Variants in DYRK1A observed in about 807,000 individuals in gnomAD.
DYRK1A encodes the protein dual specificity tyrosine phosphorylation regulated kinase 1A, also known as dual specificity tyrosine-phosphorylation-regulated kinase 1A.
Under a neutral mutation model 79.7 loss-of-function variants are expected in DYRK1A, and 9 were observed. The ratio of observed to expected loss-of-function variants is 0.11; its 90% confidence interval spans 0.07 to 0.20. The LOEUF (loss-of-function observed/expected upper bound fraction) is 0.20, where lower values mean the gene tolerates loss of function less well. Ranked by LOEUF, DYRK1A falls within the 10% of genes least tolerant of loss-of-function variation. DYRK1A has a pLI of 1.00. For synonymous variants in DYRK1A, 349 were observed against 329.7 expected (o/e 1.06, Z -0.63); for missense variants, 622 against 956.0 (o/e 0.65, Z 4.61).
At chr21:37,413,727 C>T (rs1359924442) in intron 1 of DYRK1A, among the ~76,000 whole-genome samples, 1 of 152,130 alleles carries the variant, frequency 6.6e-6, no homozygotes, top group Non-Finnish European at 1.5e-5. Flanking sequence ...CATTGGGCCA[C>T]CTCTTCTAAG....
intron 2 of DYRK1A, among the ~76,000 whole-genome samples, chr21:37,445,112 A>T (rs1255383204): frequency 1.3e-5 from 2 of 152,212 alleles, no homozygotes; most frequent in African/African-American, 4.8e-5. Flanking sequence ...TCCTAGGCAC[A>T]GGATGGTGCT....
chr21:37,413,478 G>T (rs2050279743), intron 1 of DYRK1A, among the ~76,000 whole-genome samples: 1 of 152,158 alleles, frequency 6.6e-6, no homozygotes, highest in African/African-American at 2.4e-5. Flanking sequence ...GCTGTCAGAA[G>T]GGAGAGAGAG....
At chr21:37,458,268 CTGTGTGTGTGTGTGTGTGTG>C (rs3138683) in intron 2 of DYRK1A, among the ~76,000 whole-genome samples, 1 of 130,484 alleles carries the variant, frequency 7.7e-6, no homozygotes, top group African/African-American at 2.9e-5. Context: ...GGGTAATTTA[CTGTGTGTGTGTGTGTGTGTG>C]TGTGTGTGTG....
At chr21:37,433,812 T>A (rs1419062490) in intron 2 of DYRK1A, among the ~76,000 whole-genome samples, 7 of 152,248 alleles carry the variant, frequency 4.6e-5, no homozygotes, top group Non-Finnish European at 1.0e-4. Context: ...GACTAAAATA[T>A]TGATTATTCA....
Position 37,384,802 on chromosome 21 carries a change from C to A in DYRK1A, c.-77+17174C>A, listed in dbSNP as rs911562839. ...AGAAACGTGGAAGGTATACAAAAGA[C>A]CCAGATCAAACTTTTAGCAGCAAAA... On this transcript the variant is annotated intron_variant, in intron 1 of 11. Transcript: ENST00000647188. Among the ~76,000 whole-genome samples the A allele has an allele frequency of 3.9e-5, 6 of 152,080 alleles. No homozygotes were observed. The South Asian group carries it at 1.2e-3, about 32-fold the overall frequency.
intron 1 of DYRK1A, among the ~76,000 whole-genome samples, chr21:37,382,519 T>G (rs894215576): frequency 4.6e-5 from 7 of 152,212 alleles, no homozygotes; most frequent in Non-Finnish European, 7.3e-5. Context: ...ACTTGTTGCT[T>G]TATTTCTGGT....
intron 2 of DYRK1A, among the ~76,000 whole-genome samples, chr21:37,449,633 A>G (rs2051381569): frequency 6.6e-6 from 1 of 152,236 alleles, no homozygotes; most frequent in Admixed American, 6.5e-5. Context: ...TTGGTTATCA[A>G]TTAGCAGTCT....
intron 2 of DYRK1A, among the ~76,000 whole-genome samples, chr21:37,468,136 A>T (rs966847545): frequency 1.3e-5 from 2 of 152,056 alleles, no homozygotes; most frequent in Non-Finnish European, 2.9e-5. Flanking sequence ...TTTAGAGGTA[A>T]GGTCTCTGTT....
In DYRK1A at chr21:37,393,132, T is replaced by C. The variant is rs775707205; in HGVS notation, c.-77+25504T>C. ...ATTCAGACCATAGTAGGGCCTTTGA[T>C]AGATTGAGCTGTTTTGGTGGGGAGC... On this transcript the variant is annotated intron_variant, in intron 1 of 11. Transcript: ENST00000647188. 1.8e-3 allele frequency among the ~76,000 whole-genome samples: 281 copies of C among 152,366 alleles called. 2 individuals carry two copies. Among genetic ancestry groups the C allele is most frequent in the Non-Finnish European group, 1.5e-3 (99 of 68,036 alleles).
At chr21:37,431,242 T>C (rs894022270) in intron 2 of DYRK1A, among the ~76,000 whole-genome samples, 3 of 152,162 alleles carry the variant, frequency 2.0e-5, no homozygotes, top group Non-Finnish European at 4.4e-5. Flanking sequence ...GCTGCTGGGG[T>C]GGCTGTTGGC....
rs78692688 is a variant in DYRK1A at position 37,450,053 on chromosome 21, A to G, written c.11-22631A>G. Among the ~76,000 whole-genome samples, 139 of 152,288 alleles carry G rather than the reference A, an allele frequency of 9.1e-4. 4 individuals carry two copies. In the East Asian group the frequency reaches 0.024, roughly 27 times the overall value. ...GGATCCCACACCTGGCACTTGTGCA[A>G]TGCATTGCTATGTGAGCCTCAACTT... On this transcript the variant is annotated intron_variant, in intron 2 of 11. Coordinates refer to ENST00000647188, the MANE Select transcript of DYRK1A (RefSeq NM_001347721.2).
intron 1 of DYRK1A, among the ~76,000 whole-genome samples, chr21:37,380,260 T>G (rs780645652): frequency 8.5e-5 from 13 of 152,214 alleles, no homozygotes; most frequent in Non-Finnish European, 1.8e-4. Flanking sequence ...CACAGTGGTG[T>G]TTTTTACTTT....
In DYRK1A at chr21:37,517,071, T is replaced by A. The variant is rs2053888427; in HGVS notation, c.*4540T>A. 1 of 152,234 alleles carries A rather than the reference T, an allele frequency of 6.6e-6. No individual in the cohort carries two copies. The highest frequency in any genetic ancestry group is 2.4e-5 in the African/African-American group (1 of 41,462). 9.4% of individuals were successfully genotyped at this position (152,234 alleles called of 1,614,324 possible). ...CCCCAGCAAAACCTGTGAATCCTTC[T>A]TCAAAGCATAGAGGAGGCAGAGACA... On this transcript the variant is annotated 3_prime_UTR_variant, in exon 12 of 12. Transcript: ENST00000647188.
rs75710305 is a variant in DYRK1A, at chr21:37,490,541, C to T, written c.924+80C>T. 2.1e-3 allele frequency: 2,433 copies of T among 1,146,660 alleles called. 56 individuals are homozygous for T. In the African/African-American group the frequency reaches 0.037, roughly 17 times the overall value. 71.0% of individuals were successfully genotyped at this position (1,146,660 alleles called of 1,614,324 possible). ...GGACAGTGTAGGTATTAGGTTGGCG[C>T]AAAAGTAATTGCGGTTTTCGCCATT... On this transcript the variant is annotated intron_variant, in intron 7 of 11. Coordinates refer to ENST00000647188, the MANE Select transcript of DYRK1A (RefSeq NM_001347721.2).
chr21:37,376,484 G>T (rs1453822053), intron 1 of DYRK1A, among the ~76,000 whole-genome samples: 1 of 152,100 alleles, frequency 6.6e-6, no homozygotes, highest in Admixed American at 6.5e-5. Flanking sequence ...GACAGAGTGA[G>T]ACTTCGTCTC....
chr21:37,395,614 T>C (rs1352774156), intron 1 of DYRK1A, among the ~76,000 whole-genome samples: 3 of 152,206 alleles, frequency 2.0e-5, no homozygotes, highest in Non-Finnish European at 2.9e-5. Flanking sequence ...AAAAAAAGGT[T>C]GAGAAACATA....
chr21:37,418,085 A>G (rs2050392893), intron 1 of DYRK1A, among the ~76,000 whole-genome samples: 1 of 152,190 alleles, frequency 6.6e-6, no homozygotes. Flanking sequence ...GGTGTGTGGA[A>G]TTATCTGCTT....
At chr21:37,440,494 C>T (rs2051069914) in intron 2 of DYRK1A, among the ~76,000 whole-genome samples, 1 of 152,116 alleles carries the variant, frequency 6.6e-6, no homozygotes, top group South Asian at 2.1e-4. Flanking sequence ...GATTTAAGAA[C>T]TCTTTTCCTT....
chr21:37,462,661 C>A (rs537375441), intron 2 of DYRK1A, among the ~76,000 whole-genome samples: 1 of 152,128 alleles, frequency 6.6e-6, no homozygotes, highest in Non-Finnish European at 1.5e-5. Context: ...CTTTTTGTTA[C>A]CTGCTGCACA....
Sources: gnomAD v4.1 joint callset for allele counts (sites outside exome capture counted in the v4.1 genomes callset) on GRCh38, gnomAD v4.1.1 for gene constraint, MANE v1.5 for transcripts, NCBI Gene and HGNC (gene_info 2026-07-23, HGNC 2026-07-21) for gene names.